IL16: variants seen among roughly 807,000 people sequenced by gnomAD.
IL16 encodes the protein pro-interleukin-16.
Under a neutral mutation model 110.1 loss-of-function variants are expected in IL16, and 67 were observed. The observed-to-expected ratio is 0.61, with a 90% CI of 0.50 to 0.75. IL16 has a LOEUF of 0.75. Among genes scored for constraint, IL16 ranks in the 30% least tolerant of loss-of-function variants. IL16 has a pLI of 0.00. For synonymous variants in IL16, 689 were observed against 662.9 expected, an observed-to-expected ratio of 1.04 and a Z score of -0.61; for missense variants, 1,545 against 1,655.0, an observed-to-expected ratio of 0.93 and a Z score of 1.15.
intron 5 of IL16, among the ~76,000 whole-genome samples, chr15:81,271,264 AAAATAAAATAAATT>A (rs1406040466): frequency 2.8e-5 from 4 of 143,826 alleles, no homozygotes; most frequent in Non-Finnish European, 5.9e-5. Context: ...AAAAATAAAT[AAAATAAAATAAATT>A]AAATAAAATA....
chr15:81,296,282 C>A (rs1899979703), intron 12 of IL16, among the ~76,000 whole-genome samples: 2 of 152,178 alleles, frequency 1.3e-5, no homozygotes, highest in Admixed American at 1.3e-4. Context: ...CTATTCAGAG[C>A]CTGGTTCATC....
rs1438627708 is a variant in IL16, at chr15:81,313,862, A to G, written c.*5064A>G. ...ACGAACATGTGATTCGCCTTCTCTC[A>G]CATGCATACAGTGGGGTTTTCCGGA... On this transcript the variant is annotated 3_prime_UTR_variant, in exon 19 of 19. Coordinates refer to ENST00000683961, the MANE Select transcript of IL16 (RefSeq NM_172217.5). 6.6e-6 allele frequency: 1 copy of G among 152,376 alleles called. No homozygotes were observed. Among genetic ancestry groups the G allele is most frequent in the African/African-American group, 2.4e-5 (1 of 41,434 alleles). 9.4% of individuals were successfully genotyped at this position (152,376 alleles called of 1,614,324 possible).
Position 81,292,560 on chromosome 15 carries a change from C to T in IL16, c.1425C>T (p.Val475=). Reference sequence around the variant, plus strand: ...TCTCTTGTGCTTCCCACACAGGTGTCAAAAGGCTGGAAAGCAGTTGGCACG... The same window carrying T: ...TCTCTTGTGCTTCCCACACAGGTGTTAAAAGGCTGGAAAGCAGTTGGCACG... ...KERHQWSLEG[V]KRLESSWHGR... is the part of the protein sequence containing the mutation. The change falls in exon 12 of 19, where the codon GTC becomes GTT. Residue 475 remains valine (V), a synonymous_variant. Coordinates refer to ENST00000683961, the MANE Select transcript of IL16 (RefSeq NM_172217.5). 1 of 1,606,610 alleles carries T rather than the reference C, an allele frequency of 6.2e-7. No homozygotes were observed. The highest frequency in any genetic ancestry group is 8.5e-7 in the Non-Finnish European group (1 of 1,174,182).
intron 2 of IL16, among the ~76,000 whole-genome samples, chr15:81,239,771 C>CTTTGTTTGTTTGTTTG (rs71153570): frequency 8.0e-5 from 12 of 150,654 alleles, no homozygotes; most frequent in African/African-American, 2.7e-4. Context: ...ACAGGCTTGT[C>CTTTGTTTGTTTGTTTG]TTTGTTTGTT....
At position 81,299,548 on chromosome 15, in the gene IL16, A is replaced by G. The variant is rs368198413; in HGVS notation, c.2222A>G (p.Asn741Ser). Residue 741 changes from asparagine to serine, a missense_variant, in exon 14 of 19, where the codon AAT becomes AGT. By Grantham distance (46) the Asn-to-Ser change is conservative (BLOSUM62 1). Coordinates refer to ENST00000683961, the MANE Select transcript of IL16 (RefSeq NM_172217.5). ...ENHGHMPLQP[N>S]ASLNEEEGTQ... ...CATGGCCACATGCCTCTACAGCCCAATGCCAGCCTGAATGAAGAAGAAGGG... is the reference window on the plus strand; with the variant it reads ...CATGGCCACATGCCTCTACAGCCCAGTGCCAGCCTGAATGAAGAAGAAGGG... The G allele has an allele frequency of 6.2e-6, 10 of 1,614,074 alleles. No individual in the cohort carries two copies. Among genetic ancestry groups the G allele is most frequent in the African/African-American group, 5.3e-5 (4 of 74,928 alleles).
At position 81,265,737 on chromosome 15, in the gene IL16, ACT is replaced by A; in HGVS notation, c.507_508del (p.Cys170GlnfsTer2). The A allele has an allele frequency of 1.9e-6, 3 of 1,613,800 alleles. No homozygotes were observed. The highest frequency in any genetic ancestry group is 2.5e-6 in the Non-Finnish European group (3 of 1,179,862). ...GCAGCGCCCACGGACAGGCAGCCTT[ACT>A]CTCTCTGCAGTAACAGGAAGTCCCT... On this transcript the variant is annotated frameshift_variant, in exon 4 of 19. Coordinates refer to ENST00000683961, the MANE Select transcript of IL16 (RefSeq NM_172217.5). LOFTEE classifies it high-confidence loss of function.
rs550648572 is a variant in IL16, at chr15:81,241,825, C to T, written c.312+16114C>T. ...GTTCCCTCATGTTACCTTTATATAGCCACAGTCACTTCCCTCCCAACCCCA... is the reference window on the plus strand; with the variant it reads ...GTTCCCTCATGTTACCTTTATATAGTCACAGTCACTTCCCTCCCAACCCCA... On this transcript the variant is annotated intron_variant, in intron 2 of 18. Transcript: ENST00000683961. 2.6e-5 allele frequency among the ~76,000 whole-genome samples: 4 copies of T among 152,062 alleles called. No individual in the cohort carries two copies. In the East Asian group the frequency reaches 5.8e-4, roughly 22 times the overall value.
At chr15:81,208,636 T>C (rs1169473540) in intron 1 of IL16, among the ~76,000 whole-genome samples, 1 of 152,244 alleles carries the variant, frequency 6.6e-6, no homozygotes, top group Non-Finnish European at 1.5e-5. Context: ...GGTCCATATT[T>C]TGGTTTTAAA....
At chr15:81,204,731 G>C (rs1895947558) in intron 1 of IL16, among the ~76,000 whole-genome samples, 1 of 144,544 alleles carries the variant, frequency 6.9e-6, no homozygotes, top group East Asian at 2.0e-4. Context: ...AAAACTTAAA[G>C]TATAATAATA....
intron 18 of IL16, among the ~76,000 whole-genome samples, chr15:81,307,146 G>C (rs142727694): frequency 6.1e-4 from 93 of 152,290 alleles, no homozygotes; most frequent in African/African-American, 2.2e-3. Flanking sequence ...GAATGACTGT[G>C]GCTACCATGT....
At chr15:81,231,409 G>A (rs1045335584) in intron 2 of IL16, among the ~76,000 whole-genome samples, 4 of 137,392 alleles carry the variant, frequency 2.9e-5, no homozygotes, top group Non-Finnish European at 6.1e-5. Flanking sequence ...GTCTTGCTTT[G>A]TCACCCAGGC....
At chr15:81,301,239 C>T (rs1900268301) in intron 14 of IL16, 105 bp from the exon 15 acceptor site, 1 of 906,324 alleles carries the variant, frequency 1.1e-6, no homozygotes. Flanking sequence ...AAATAATATG[C>T]ACATAAGTGC....
intron 1 of IL16, among the ~76,000 whole-genome samples, chr15:81,190,153 A>G (rs1324849136): frequency 6.6e-6 from 1 of 152,144 alleles, no homozygotes; most frequent in Non-Finnish European, 1.5e-5. Context: ...AACTGAACAC[A>G]TGGTTCCTGC....
intron 2 of IL16, among the ~76,000 whole-genome samples, chr15:81,259,262 C>T (rs1898065889): frequency 6.6e-6 from 1 of 152,152 alleles, no homozygotes; most frequent in Non-Finnish European, 1.5e-5. Flanking sequence ...GCCAGGTATG[C>T]CAGAACAATG....
At chr15:81,271,058 A>C (rs1235018986) in intron 5 of IL16, among the ~76,000 whole-genome samples, 1 of 151,928 alleles carries the variant, frequency 6.6e-6, no homozygotes, top group Non-Finnish European at 1.5e-5. Flanking sequence ...AGCCACCAAA[A>C]CCCGGGCATT....
chr15:81,245,724 C>CTTTTTTTT lies in IL16; in HGVS notation c.313-14031_313-14024dup, dbSNP rs1009292228. On this transcript the variant is annotated intron_variant, in intron 2 of 18. Coordinates refer to ENST00000683961, the MANE Select transcript of IL16 (RefSeq NM_172217.5). ...TAGAGAGATCAGACTTTTGTTTTGG[C>CTTTTTTTT]TTTTTTTTTTTTTTTTTTTTTTTTG... 3.8e-3 allele frequency among the ~76,000 whole-genome samples: 233 copies of CTTTTTTTT among 61,262 alleles called. 28 individuals carry two copies. Among genetic ancestry groups the CTTTTTTTT allele is most frequent in the African/African-American group, 0.012 (172 of 14,666 alleles). The allele number at this position is 61,262 out of a possible 152,430, so 40.2% of individuals were successfully genotyped here. A position where few individuals can be genotyped will look rare whatever the true frequency, so the allele number is the denominator to read the frequency against.
chr15:81,190,907 G>C lies in IL16; in HGVS notation c.40+8011G>C, dbSNP rs1483943931. ...TGCTCAAGGTCAGGATTTATGGTAA[G>C]TACAATAACATCAAGATTGTTTTGA... On this transcript the variant is annotated intron_variant, in intron 1 of 18. Coordinates refer to the IL16 transcript ENST00000302987. 2.0e-5 allele frequency among the ~76,000 whole-genome samples: 3 copies of C among 152,302 alleles called. No individual in the cohort carries two copies. The East Asian group carries it at 5.8e-4, about 29-fold the overall frequency.
chr15:81,238,131 T>G (rs547014804), intron 2 of IL16, among the ~76,000 whole-genome samples: 174 of 152,252 alleles, frequency 1.1e-3, no homozygotes, highest in Non-Finnish European at 2.1e-3. Flanking sequence ...CTTGAACTCC[T>G]GACCTCGTGA....
rs773580839 is a variant in IL16 at position 81,279,719 on chromosome 15, C to T, written c.1026C>T (p.Pro342=). The T allele has an allele frequency of 6.2e-7, 1 of 1,614,262 alleles. No homozygotes were observed. Among genetic ancestry groups the T allele is most frequent in the East Asian group, 2.2e-5 (1 of 44,876 alleles). The part of the protein sequence containing the change: ...SSFALESPSA[P]ISTAKPNYRI... ...TCGCCTTGGAAAGCCCCTCGGCTCC[C>T]ATCAGCACCGCCAAGCCCAATTACA... Residue 342 remains proline, a synonymous_variant, in exon 8 of 19, where the codon CCC becomes CCT. Coordinates refer to ENST00000683961, the MANE Select transcript of IL16 (RefSeq NM_172217.5).
Sources: gnomAD v4.1 joint callset for allele counts (sites outside exome capture counted in the v4.1 genomes callset) on GRCh38, gnomAD v4.1.1 for gene constraint, MANE v1.5 for transcripts, NCBI Gene and HGNC (gene_info 2026-07-23, HGNC 2026-07-21) for gene names.